Variants in MBOAT1 observed in about 807,000 individuals in gnomAD.
MBOAT1 encodes membrane-bound glycerophospholipid O-acyltransferase 1.
A neutral mutation model predicts 64.4 loss-of-function variants in MBOAT1; 67 were observed. The ratio of observed to expected loss-of-function variants is 1.04; its 90% CI spans 0.85 to 1.27. MBOAT1 has a LOEUF of 1.27. MBOAT1 is among the 50% of genes most tolerant of loss of function. The probability of loss-of-function intolerance (pLI) is 0.00; values close to 1 mark genes in which losing one functional copy is unlikely to be tolerated. For missense variants in MBOAT1, 563 were observed against 604.6 expected (o/e 0.93, Z 0.72); for synonymous variants, 229 against 218.9 (o/e 1.05, Z -0.41).
chr6:20,207,170 T>G (rs1763290078), intron 1 of MBOAT1, among the ~76,000 whole-genome samples: 1 of 152,244 alleles, frequency 6.6e-6, no homozygotes, highest in Non-Finnish European at 1.5e-5. Flanking sequence ...CAATTGACCT[T>G]GTCAGTGCTT....
At chr6:20,163,599 T>A (rs908858079) in intron 1 of MBOAT1, among the ~76,000 whole-genome samples, 1 of 152,178 alleles carries the variant, frequency 6.6e-6, no homozygotes, top group Non-Finnish European at 1.5e-5. Context: ...TCAGGGAGTC[T>A]GGTTCTACTC....
intron 1 of MBOAT1, among the ~76,000 whole-genome samples, chr6:20,194,687 TC>T (rs1203203789): frequency 6.6e-6 from 1 of 152,300 alleles, no homozygotes; most frequent in South Asian, 2.1e-4. Context: ...AAAGTTATTC[TC>T]CCCACTCCCC....
intron 5 of MBOAT1, among the ~76,000 whole-genome samples, chr6:20,130,742 T>TAATC (rs1432146058): frequency 4.6e-5 from 7 of 151,458 alleles, no homozygotes; most frequent in African/African-American, 7.3e-5. Flanking sequence ...CATTTAAAAA[T>TAATC]GATTAACCAG....
intron 3 of MBOAT1, among the ~76,000 whole-genome samples, chr6:20,150,732 T>A (rs1403353851): frequency 2.9e-5 from 4 of 140,060 alleles, no homozygotes; most frequent in African/African-American, 9.9e-5. Flanking sequence ...CCCAGCTAAT[T>A]TTTTTTGGGT....
chr6:20,204,342 T>C lies in MBOAT1; in HGVS notation c.99+7794A>G, dbSNP rs550203645. Among the ~76,000 whole-genome samples the C allele has an allele frequency of 2.0e-5, 3 of 152,338 alleles. No homozygotes were observed. In the South Asian group the frequency reaches 6.2e-4, roughly 32 times the overall value. ...GCAGTTTACCAAGTATCTACATGTT[T>C]GTCTCACAGAAGGCACAGATAACTC... is the stretch of plus-strand genomic sequence containing the variant. On this transcript the variant is annotated intron_variant, in intron 1 of 12. Coordinates refer to ENST00000324607, the MANE Select transcript of MBOAT1 (RefSeq NM_001080480.3).
chr6:20,129,246 A>G (rs1359331921), intron 5 of MBOAT1, among the ~76,000 whole-genome samples: 1 of 152,240 alleles, frequency 6.6e-6, no homozygotes, highest in African/African-American at 2.4e-5. Flanking sequence ...AACAATAAAA[A>G]ATAAAAAATA....
At chr6:20,114,189 C>G (rs1013814798) in intron 10 of MBOAT1, among the ~76,000 whole-genome samples, 4 of 152,220 alleles carry the variant, frequency 2.6e-5, no homozygotes, top group Non-Finnish European at 4.4e-5. Flanking sequence ...TTACTACATA[C>G]TCTGTCTCTT....
chr6:20,152,697 T>C lies in MBOAT1; in HGVS notation c.172A>G (p.Thr58Ala). Residue 58 changes from threonine (T) to alanine (A), a missense_variant, in exon 2 of 13, where the codon ACA becomes GCA. By Grantham distance (58) the Thr-to-Ala change is moderately conservative. Transcript: ENST00000324607. ...GCATGCCGGACATCAGAGCTGGTTGTACCAGGACGTAAGTAGATGCGAAAC... is the reference window on the plus strand; with the variant it reads ...GCATGCCGGACATCAGAGCTGGTTGCACCAGGACGTAAGTAGATGCGAAAC... ...FWFRIYLRPG[T>A]TSSDVRHAVA... The C allele has an allele frequency of 6.2e-7, 1 of 1,612,118 alleles. No homozygotes were observed. Among genetic ancestry groups the C allele is most frequent in the Non-Finnish European group, 8.5e-7 (1 of 1,178,678 alleles).
At chr6:20,202,814 T>C (rs571536713) in intron 1 of MBOAT1, among the ~76,000 whole-genome samples, 54 of 152,302 alleles carry the variant, frequency 3.5e-4, no homozygotes, top group Admixed American at 2.3e-3. Context: ...GAAATTGACA[T>C]TAATGAGACT....
intron 9 of MBOAT1, among the ~76,000 whole-genome samples, chr6:20,118,137 T>C (rs577622875): frequency 1.3e-5 from 2 of 152,306 alleles, no homozygotes; most frequent in African/African-American, 4.8e-5. Context: ...ACTGGTACTT[T>C]CTAGTTGAAA....
At chr6:20,104,946 C>T (rs1198185559) in intron 12 of MBOAT1, among the ~76,000 whole-genome samples, 7 of 152,318 alleles carry the variant, frequency 4.6e-5, no homozygotes, top group African/African-American at 1.7e-4. Flanking sequence ...AGAATGGAAA[C>T]AAGACAAGCA....
In MBOAT1 at chr6:20,202,141, T is replaced by G. The variant is rs190096754; in HGVS notation, c.99+9995A>C. ...CCTGTAAGCCTTAGCAACCTTTTGC[T>G]GTGTACCTTTGCTGACTCATCTGTT... On this transcript the variant is annotated intron_variant, in intron 1 of 12. Transcript: ENST00000324607. Among the ~76,000 whole-genome samples the G allele has an allele frequency of 1.5e-3, 221 of 152,284 alleles. 1 individual carries two copies. Among genetic ancestry groups the G allele is most frequent in the African/African-American group, 4.4e-3 (182 of 41,546 alleles).
chr6:20,109,165 C>T (rs1423551163), intron 12 of MBOAT1, among the ~76,000 whole-genome samples: 1 of 152,148 alleles, frequency 6.6e-6, no homozygotes, highest in Non-Finnish European at 1.5e-5. Context: ...TCCTTCTGCA[C>T]ACCACTCGAT....
intron 5 of MBOAT1, among the ~76,000 whole-genome samples, chr6:20,130,511 G>A (rs563605564): frequency 5.9e-5 from 9 of 152,048 alleles, no homozygotes; most frequent in South Asian, 2.1e-4. Context: ...GTGCCACCAC[G>A]CCTAGCTAAT....
intron 1 of MBOAT1, among the ~76,000 whole-genome samples, chr6:20,186,820 C>A (rs1052033933): frequency 6.6e-6 from 1 of 152,118 alleles, no homozygotes; most frequent in Non-Finnish European, 1.5e-5. Context: ...TTGGGTCAGG[C>A]TCAGTGATCA....
intron 6 of MBOAT1, among the ~76,000 whole-genome samples, chr6:20,127,963 A>G (rs908036491): frequency 6.6e-6 from 1 of 152,060 alleles, no homozygotes; most frequent in East Asian, 1.9e-4. Flanking sequence ...GAATCTTTCA[A>G]TAGTGCTCCA....
intron 8 of MBOAT1, among the ~76,000 whole-genome samples, chr6:20,120,000 T>TGTGCGC (rs1465118453): frequency 1.4e-5 from 1 of 70,426 alleles, no homozygotes; most frequent in African/African-American, 5.2e-5. Flanking sequence ...TGTGTGTGTG[T>TGTGCGC]GTGTGCGTGT....
Position 20,109,197 on chromosome 6 carries a change from G to A in MBOAT1, c.1361+401C>T, listed in dbSNP as rs145460128. The stretch of plus-strand genomic sequence containing the variant: ...CGATCAGGCAATGACAGCCTCAGCC[G>A]CATCCCCCGCTCCTGCCTCCATTTC... On this transcript the variant is annotated intron_variant, in intron 12 of 12. Coordinates refer to ENST00000324607, the MANE Select transcript of MBOAT1 (RefSeq NM_001080480.3). 3.9e-3 allele frequency among the ~76,000 whole-genome samples: 589 copies of A among 152,126 alleles called. 9 individuals are homozygous for A. The highest frequency in any genetic ancestry group is 0.013 in the African/African-American group (519 of 41,500).
chr6:20,154,402 G>A (rs1175119469), intron 1 of MBOAT1, among the ~76,000 whole-genome samples: 2 of 152,014 alleles, frequency 1.3e-5, no homozygotes, highest in East Asian at 1.9e-4. Flanking sequence ...GCTTGGTGGC[G>A]GGTGCCTGTA....
Sources: allele counts gnomAD v4.1 joint callset (sites outside exome capture counted in the v4.1 genomes callset), GRCh38; gene constraint gnomAD v4.1.1; transcripts MANE v1.5; gene names NCBI Gene and HGNC (gene_info 2026-07-23, HGNC 2026-07-21).